RMST: variants seen among roughly 807,000 people sequenced by gnomAD.
RMST encodes long intergenic non-protein coding RNA 54.
At chr12:97,553,970 T>C (rs1160076231) in intron 11 of RMST, among the ~76,000 whole-genome samples, 5 of 140,482 alleles carry the variant, frequency 3.6e-5, no homozygotes, top group South Asian at 2.2e-4. Context: ...TTTTTTTTTT[T>C]CTGAGATGCA....
At chr12:97,545,693 G>A (rs1389862312) in intron 11 of RMST, among the ~76,000 whole-genome samples, 6 of 151,982 alleles carry the variant, frequency 3.9e-5, no homozygotes, top group East Asian at 1.9e-4. Context: ...GGATATTTGC[G>A]TTTTCATTAG....
intron 10 of RMST, among the ~76,000 whole-genome samples, chr12:97,496,539 T>C (rs1361898826): frequency 1.1e-4 from 16 of 152,222 alleles, no homozygotes; most frequent in Admixed American, 1.3e-4. Context: ...TTAATTTGAT[T>C]ACTGTGTCCT....
chr12:97,551,171 T>TAAAA (rs371319102), intron 11 of RMST, among the ~76,000 whole-genome samples: 1 of 132,320 alleles, frequency 7.6e-6, no homozygotes, highest in Non-Finnish European at 1.7e-5. Context: ...TCATTGTTTT[T>TAAAA]AAAAAAAAAA....
At chr12:97,562,368 T>A (rs1884180083) in intron 13 of RMST, among the ~76,000 whole-genome samples, 1 of 151,804 alleles carries the variant, frequency 6.6e-6, no homozygotes. Context: ...TAAGAAACAG[T>A]GTTATTCTTC....
intron 5 of RMST, among the ~76,000 whole-genome samples, chr12:97,467,522 C>T (rs771323282): frequency 1.3e-4 from 20 of 151,946 alleles, no homozygotes; most frequent in Non-Finnish European, 2.5e-4. Flanking sequence ...GCTGAATTAA[C>T]ACACCATTAG....
intron 5 of RMST, among the ~76,000 whole-genome samples, chr12:97,466,281 T>C (rs1873175866): frequency 6.6e-6 from 1 of 152,162 alleles, no homozygotes; most frequent in African/African-American, 2.4e-5. Context: ...TAATTGATTT[T>C]TGAAGGTATT....
At chr12:97,546,098 A>G (rs1882908675) in intron 11 of RMST, among the ~76,000 whole-genome samples, 1 of 152,150 alleles carries the variant, frequency 6.6e-6, no homozygotes, top group Non-Finnish European at 1.5e-5. Context: ...AATCATTATT[A>G]CCATCAACTA....
At chr12:97,513,020 CG>C (rs2136523334) in intron 10 of RMST, among the ~76,000 whole-genome samples, 1 of 152,346 alleles carries the variant, frequency 6.6e-6, no homozygotes, top group Non-Finnish European at 1.5e-5. Context: ...GCCTGCCGGC[CG>C]GCCGCTCCAA....
At chr12:97,549,007 A>G (rs1009153839) in intron 11 of RMST, among the ~76,000 whole-genome samples, 5 of 152,188 alleles carry the variant, frequency 3.3e-5, no homozygotes, top group South Asian at 2.1e-4. Flanking sequence ...TTTTGAAAGA[A>G]TGATTTGAGA....
chr12:97,469,267 G>T (rs1873606588), intron 5 of RMST, among the ~76,000 whole-genome samples: 1 of 148,230 alleles, frequency 6.7e-6, no homozygotes, highest in African/African-American at 2.6e-5. Flanking sequence ...TTTAGAAGAA[G>T]ATATTGGTAA....
chr12:97,527,540 A>G (rs1318061638), intron 10 of RMST, among the ~76,000 whole-genome samples: 3 of 152,178 alleles, frequency 2.0e-5, no homozygotes, highest in Admixed American at 6.5e-5. Context: ...TAAGAAAAGT[A>G]AGAGTGCTGA....
intron 10 of RMST, among the ~76,000 whole-genome samples, chr12:97,510,773 A>T (rs1261013897): frequency 1.3e-5 from 2 of 152,200 alleles, no homozygotes; most frequent in Admixed American, 1.3e-4. Flanking sequence ...ATAGTCAAAA[A>T]TTTAAAACAA....
chr12:97,467,131 G>A (rs1873283862), intron 5 of RMST, among the ~76,000 whole-genome samples: 2 of 151,916 alleles, frequency 1.3e-5, no homozygotes, highest in Non-Finnish European at 2.9e-5. Context: ...TTTAAAATTG[G>A]ACTAAGAAAT....
At chr12:97,515,083 T>A (rs982068359) in intron 10 of RMST, among the ~76,000 whole-genome samples, 5 of 152,178 alleles carry the variant, frequency 3.3e-5, no homozygotes, top group Non-Finnish European at 5.9e-5. Flanking sequence ...TCAATTAAGT[T>A]AGGAAAAGAG....
At chr12:97,515,908 A>G (rs1879880188) in intron 10 of RMST, among the ~76,000 whole-genome samples, 1 of 152,078 alleles carries the variant, frequency 6.6e-6, no homozygotes, top group Non-Finnish European at 1.5e-5. Context: ...GGATATTTTT[A>G]ATCTATGATT....
intron 11 of RMST, among the ~76,000 whole-genome samples, chr12:97,545,821 C>A (rs530633286): frequency 6.6e-6 from 1 of 152,052 alleles, no homozygotes; most frequent in Non-Finnish European, 1.5e-5. Flanking sequence ...TATGACTCCA[C>A]GTAAATATGT....
chr12:97,539,586 G>A (rs1391125176), intron 11 of RMST, among the ~76,000 whole-genome samples: 2 of 151,570 alleles, frequency 1.3e-5, no homozygotes, highest in Admixed American at 6.6e-5. Context: ...AACGATGCCT[G>A]GGCACTTTTT....
At chr12:97,510,315 A>C (rs969855210) in intron 10 of RMST, among the ~76,000 whole-genome samples, 2 of 152,184 alleles carry the variant, frequency 1.3e-5, no homozygotes, top group African/African-American at 4.8e-5. Context: ...TAAAAACCAG[A>C]GGGGCAGATT....
chr12:97,500,738 A>G (rs375392966), intron 10 of RMST, among the ~76,000 whole-genome samples: 3 of 152,210 alleles, frequency 2.0e-5, no homozygotes, highest in Admixed American at 6.5e-5. Context: ...ACATAGCTCT[A>G]TGTGGAAGAG....
Sources: allele counts gnomAD v4.1 joint callset (sites outside exome capture counted in the v4.1 genomes callset), GRCh38; gene constraint gnomAD v4.1.1; transcripts MANE v1.5; gene names NCBI Gene and HGNC (gene_info 2026-07-23, HGNC 2026-07-21).